SLC39A10: variants seen among roughly 807,000 people sequenced by gnomAD.
The protein encoded by SLC39A10 is solute carrier family 39 member 10.
A neutral mutation model predicts 65.1 loss-of-function variants in SLC39A10; 13 were observed. The ratio of observed to expected loss-of-function variants is 0.20; its 90% CI spans 0.13 to 0.32. The LOEUF is 0.32. Ranked by LOEUF, SLC39A10 falls within the 10% of genes least tolerant of loss-of-function variation. SLC39A10 has a pLI of 1.00. For synonymous variants in SLC39A10, 321 were observed against 342.2 expected (o/e 0.94, Z 0.68); for missense variants, 831 against 1,018.4 (o/e 0.82, Z 2.50).
chr2:195,636,468 T>G (rs2105701443), intron 2 of SLC39A10, among the ~76,000 whole-genome samples: 1 of 152,330 alleles, frequency 6.6e-6, no homozygotes, highest in Non-Finnish European at 1.5e-5. Flanking sequence ...TTTTAAATAA[T>G]TGGCCTGGCG....
intron 3 of SLC39A10, among the ~76,000 whole-genome samples, chr2:195,696,519 CAAAT>C (rs1309172317): frequency 2.0e-5 from 3 of 151,948 alleles, no homozygotes; most frequent in Non-Finnish European, 2.9e-5. Flanking sequence ...AAAAATAACA[CAAAT>C]AAAAAGCAAT....
intron 4 of SLC39A10, 142 bp from the exon 5 acceptor site, chr2:195,708,514 T>G: frequency 6.8e-6 from 4 of 588,522 alleles, no homozygotes; most frequent in Non-Finnish European, 8.2e-6. Context: ...GAAGACTAAG[T>G]GAGATAATAT....
chr2:195,717,182 G>T, intron 7 of SLC39A10, 177 bp downstream of exon 7: 1 of 719,438 alleles, frequency 1.4e-6, no homozygotes. Context: ...GTATAATTTA[G>T]TGGGGTTTTT....
intron 2 of SLC39A10, among the ~76,000 whole-genome samples, chr2:195,614,315 T>C (rs535495776): frequency 1.2e-3 from 188 of 152,356 alleles, no homozygotes; most frequent in African/African-American, 4.2e-3. Context: ...GTTTTCATTT[T>C]TGTTTGTATT....
intron 7 of SLC39A10, 117 bp downstream of exon 7, chr2:195,717,122 T>C: frequency 7.3e-7 from 1 of 1,368,512 alleles, no homozygotes; most frequent in Non-Finnish European, 9.8e-7. Context: ...AGTTGATTTT[T>C]CCCAAAGGCT....
chr2:195,675,042 T>C (rs1406374865), intron 1 of SLC39A10, among the ~76,000 whole-genome samples: 1 of 152,158 alleles, frequency 6.6e-6, no homozygotes, highest in Non-Finnish European at 1.5e-5. Flanking sequence ...TATACACTAC[T>C]GTAAACCAGT....
intron 1 of SLC39A10, among the ~76,000 whole-genome samples, chr2:195,672,668 T>G (rs1265722539): frequency 1.3e-5 from 2 of 152,186 alleles, no homozygotes; most frequent in Admixed American, 1.3e-4. Flanking sequence ...ACAAATGACG[T>G]TTTAAAGCTT....
At chr2:195,709,339 C>T (rs1691523196) in intron 5 of SLC39A10, among the ~76,000 whole-genome samples, 1 of 152,190 alleles carries the variant, frequency 6.6e-6, no homozygotes, top group African/African-American at 2.4e-5. Context: ...TCAAGCAATT[C>T]TTGTGCCTCG....
chr2:195,703,544 A>T (rs952182056), intron 3 of SLC39A10, among the ~76,000 whole-genome samples: 1 of 152,212 alleles, frequency 6.6e-6, no homozygotes, highest in Non-Finnish European at 1.5e-5. Flanking sequence ...CATGCTATAC[A>T]TATTTCCTCT....
At chr2:195,658,088 A>AG (rs1689233652) in intron 1 of SLC39A10, 1 of 152,240 alleles carries the variant, frequency 6.6e-6, no homozygotes, top group South Asian at 2.1e-4. Flanking sequence ...GGGGCGCGGC[A>AG]GGGGGATCGC....
chr2:195,716,237 G>A (rs1268411421), intron 6 of SLC39A10, among the ~76,000 whole-genome samples: 1 of 152,088 alleles, frequency 6.6e-6, no homozygotes, highest in Non-Finnish European at 1.5e-5. Flanking sequence ...GGAGGAGGGG[G>A]TCTAGAGGGA....
intron 3 of SLC39A10, among the ~76,000 whole-genome samples, chr2:195,701,265 C>T (rs1417915995): frequency 6.8e-6 from 1 of 147,136 alleles, no homozygotes; most frequent in Non-Finnish European, 1.5e-5. Flanking sequence ...TCCAGAGTTT[C>T]TTTTTGATTT....
chr2:195,642,168 G>A (rs1181805051), intron 2 of SLC39A10, among the ~76,000 whole-genome samples: 3 of 152,112 alleles, frequency 2.0e-5, no homozygotes, highest in Admixed American at 1.3e-4. Flanking sequence ...TAACTTTCAC[G>A]GTGGAGAATG....
At chr2:195,676,675 T>C (rs1690103089) in intron 1 of SLC39A10, among the ~76,000 whole-genome samples, 1 of 152,230 alleles carries the variant, frequency 6.6e-6, no homozygotes, top group Non-Finnish European at 1.5e-5. Flanking sequence ...GTGCTAGTTC[T>C]ATGTTATTTT....
chr2:195,653,562 T>C (rs2105715688), upstream of SLC39A10, among the ~76,000 whole-genome samples: 1 of 152,334 alleles, frequency 6.6e-6, no homozygotes, highest in East Asian at 1.9e-4. Context: ...CCATAAGTGC[T>C]GGGATTACAA....
intron 2 of SLC39A10, among the ~76,000 whole-genome samples, chr2:195,649,789 A>G (rs1279874426): frequency 6.6e-6 from 1 of 152,178 alleles, no homozygotes; most frequent in Non-Finnish European, 1.5e-5. Flanking sequence ...AGAGTTGCAA[A>G]CGACCTAAAA....
chr2:195,669,478 C>T (rs1243281570), intron 1 of SLC39A10, among the ~76,000 whole-genome samples: 3 of 152,084 alleles, frequency 2.0e-5, no homozygotes, highest in Non-Finnish European at 4.4e-5. Context: ...GCTAAATACA[C>T]CTGAGGATTT....
chr2:195,690,245 T>C (rs1247894138), intron 3 of SLC39A10, among the ~76,000 whole-genome samples: 2 of 148,908 alleles, frequency 1.3e-5, no homozygotes, highest in African/African-American at 4.9e-5. Flanking sequence ...TTACATTACA[T>C]GTATATACCA....
In SLC39A10 at chr2:195,734,933, T is replaced by G. The variant is rs1328768811; in HGVS notation, c.2388T>G (p.Cys796Trp). ...GDGDNEEHGF[C>W]PVGQFILQNL... ...GTGACAATGAAGAACATGGCTTTTG[T>G]CCTGTGGGGCAATTCATCCTTCAGA... The change falls in exon 10 of 10, where the codon TGT becomes TGG. Residue 796 changes from cysteine (C) to tryptophan (W), a missense_variant. Around this residue, in one of 4 missense-constraint regions of SLC39A10, gnomAD observed 120 missense variants for 203.9 expected, o/e 0.59. Coordinates refer to ENST00000359634, the MANE Select transcript of SLC39A10 (RefSeq NM_020342.3). The G allele has an allele frequency of 5.0e-6, 8 of 1,612,244 alleles. No homozygotes were observed. In the Admixed American group the frequency reaches 1.3e-4, roughly 27 times the overall value.
Sources: gnomAD v4.1 joint callset for allele counts (sites outside exome capture counted in the v4.1 genomes callset) on GRCh38, gnomAD v4.1.1 for gene constraint, gnomAD v4.1.1 regional missense constraint, MANE v1.5 for transcripts, NCBI Gene and HGNC (gene_info 2026-07-23, HGNC 2026-07-21) for gene names.